CLSTN2: variants seen among roughly 807,000 people sequenced by gnomAD.
The protein encoded by CLSTN2 is calsyntenin-2.
Under a neutral mutation model 101.2 loss-of-function variants are expected in CLSTN2, and 48 were observed. The observed-to-expected ratio is 0.47, with a 90% confidence interval of 0.38 to 0.60. The LOEUF is 0.60. Ranked by LOEUF, CLSTN2 falls within the 20% of genes least tolerant of loss-of-function variation. CLSTN2 has a pLI of 0.00. For synonymous variants in CLSTN2, 481 were observed against 463.6 expected, an observed-to-expected ratio of 1.04 and a Z score of -0.48; for missense variants, 1,160 against 1,238.2, an observed-to-expected ratio of 0.94 and a Z score of 0.95.
intron 1 of CLSTN2, among the ~76,000 whole-genome samples, chr3:140,166,180 G>A (rs1022710505): frequency 6.6e-6 from 1 of 152,176 alleles, no homozygotes; most frequent in Non-Finnish European, 1.5e-5. Context: ...GATTTCAAGT[G>A]CCCATTGCCA....
chr3:140,356,748 C>T (rs1219109556), intron 2 of CLSTN2, among the ~76,000 whole-genome samples: 1 of 125,628 alleles, frequency 8.0e-6, no homozygotes, highest in Non-Finnish European at 1.7e-5. Context: ...CAGAGTTGGA[C>T]CTTGTCTCAA....
At chr3:139,976,230 C>A (rs1284324183) in intron 1 of CLSTN2, among the ~76,000 whole-genome samples, 1 of 152,276 alleles carries the variant, frequency 6.6e-6, no homozygotes, top group East Asian at 1.9e-4. Flanking sequence ...TGGGATAGTG[C>A]CCTTATCTCC....
chr3:140,500,015 C>T (rs796514682), intron 8 of CLSTN2, among the ~76,000 whole-genome samples: 18 of 151,484 alleles, frequency 1.2e-4, no homozygotes, highest in South Asian at 4.2e-4. Context: ...TGCAGTGAGC[C>T]GAGATCATGC....
intron 8 of CLSTN2, among the ~76,000 whole-genome samples, chr3:140,525,411 A>C (rs1935116391): frequency 6.6e-6 from 1 of 152,188 alleles, no homozygotes. Flanking sequence ...TGAAAACCTG[A>C]ACAGACAAAT....
intron 1 of CLSTN2, among the ~76,000 whole-genome samples, chr3:140,002,274 A>G (rs2006859180): frequency 6.6e-6 from 1 of 152,152 alleles, no homozygotes; most frequent in African/African-American, 2.4e-5. Context: ...GAGTGAGATG[A>G]TATCTCATAG....
At chr3:140,161,640 T>C (rs960360072) in intron 1 of CLSTN2, among the ~76,000 whole-genome samples, 3 of 152,212 alleles carry the variant, frequency 2.0e-5, no homozygotes, top group African/African-American at 4.8e-5. Flanking sequence ...GAAATAATTA[T>C]GTAAGTCTTG....
chr3:140,371,312 G>A (rs1308930839), intron 2 of CLSTN2, among the ~76,000 whole-genome samples: 1 of 143,062 alleles, frequency 7.0e-6, no homozygotes, highest in Non-Finnish European at 1.5e-5. Flanking sequence ...GGACCTGCAA[G>A]TTCATTGGAA....
chr3:140,559,552 C>T lies in CLSTN2; in HGVS notation c.2041+695C>T, dbSNP rs1471195153. ...TGAAAGCTATAGTATATGCTGGTGGCGGGGGTCAGGGGGGCGGGGAAGGGA... is the reference window on the plus strand; with the variant it reads ...TGAAAGCTATAGTATATGCTGGTGGTGGGGGTCAGGGGGGCGGGGAAGGGA... On this transcript the variant is annotated intron_variant, in intron 12 of 16. Transcript: ENST00000458420. Among the ~76,000 whole-genome samples the T allele has an allele frequency of 1.0e-3, 4 of 3,992 alleles. 1 individual carries two copies. Among genetic ancestry groups the T allele is most frequent in the Non-Finnish European group, 1.8e-3 (3 of 1,626 alleles). 2.6% of individuals were successfully genotyped at this position (3,992 alleles called of 152,430 possible).
intron 1 of CLSTN2, among the ~76,000 whole-genome samples, chr3:139,949,897 A>T (rs1438502336): frequency 6.6e-6 from 1 of 152,182 alleles, no homozygotes; most frequent in Non-Finnish European, 1.5e-5. Context: ...CCATTTTCCA[A>T]ACAGGTCATT....
intron 5 of CLSTN2, among the ~76,000 whole-genome samples, chr3:140,436,793 G>T (rs1194739208): frequency 3.9e-5 from 6 of 152,212 alleles, no homozygotes; most frequent in Admixed American, 2.6e-4. Context: ...GGTTGGTGGA[G>T]GTTGGTATTT....
At chr3:140,021,637 G>A (rs1013711668) in intron 1 of CLSTN2, among the ~76,000 whole-genome samples, 2 of 152,094 alleles carry the variant, frequency 1.3e-5, no homozygotes, top group Admixed American at 6.5e-5. Flanking sequence ...GGAAGTACAC[G>A]TGACCACTCT....
intron 8 of CLSTN2, among the ~76,000 whole-genome samples, chr3:140,514,877 C>T (rs1245959908): frequency 1.3e-5 from 2 of 152,110 alleles, no homozygotes; most frequent in African/African-American, 4.8e-5. Flanking sequence ...ATTAGGGTGA[C>T]ACTAGCTTCA....
At chr3:140,452,407 A>G (rs537034812) in intron 6 of CLSTN2, 1 of 152,276 alleles carries the variant, frequency 6.6e-6, no homozygotes, top group African/African-American at 2.4e-5. Context: ...TCCAGTCAGC[A>G]TTTGCCTGCC....
intron 8 of CLSTN2, chr3:140,507,977 C>G (rs914378455): frequency 1.3e-5 from 2 of 152,296 alleles, no homozygotes; most frequent in South Asian, 4.1e-4. Flanking sequence ...GCTGAAATTT[C>G]CCCTGAGCCA....
intron 2 of CLSTN2, among the ~76,000 whole-genome samples, chr3:140,214,890 A>G (rs1292586957): frequency 4.6e-5 from 7 of 152,240 alleles, no homozygotes; most frequent in African/African-American, 1.4e-4. Flanking sequence ...TGAAGTCTTT[A>G]TACAACATAA....
rs76105388 is a variant in CLSTN2, at chr3:140,299,417, A to G, written c.233-104212A>G. Among the ~76,000 whole-genome samples, 1,244 of 152,360 alleles carry G rather than the reference A, an allele frequency of 8.2e-3. 12 individuals are homozygous for G. Among genetic ancestry groups the G allele is most frequent in the African/African-American group, 0.027 (1,141 of 41,584 alleles). ...TTCAATTTAGTAAACCAGTGTTCTTAATCATAACATGCATATACTGTATGT... is the reference window on the plus strand; with the variant it reads ...TTCAATTTAGTAAACCAGTGTTCTTGATCATAACATGCATATACTGTATGT... On this transcript the variant is annotated intron_variant, in intron 2 of 16. Coordinates refer to ENST00000458420, the MANE Select transcript of CLSTN2 (RefSeq NM_022131.3).
chr3:140,222,755 A>G (rs2086285197), intron 2 of CLSTN2, among the ~76,000 whole-genome samples: 1 of 152,126 alleles, frequency 6.6e-6, no homozygotes, highest in Non-Finnish European at 1.5e-5. Flanking sequence ...AACACAAAGG[A>G]TATCCCACTA....
At chr3:140,038,279 T>C (rs2007697228) in intron 1 of CLSTN2, among the ~76,000 whole-genome samples, 1 of 152,238 alleles carries the variant, frequency 6.6e-6, no homozygotes, top group African/African-American at 2.4e-5. Flanking sequence ...GATTTTGATT[T>C]GCATTTCTCT....
chr3:140,075,610 G>A (rs1306184954), intron 1 of CLSTN2, among the ~76,000 whole-genome samples: 1 of 152,100 alleles, frequency 6.6e-6, no homozygotes, highest in Non-Finnish European at 1.5e-5. Context: ...CTGCTCAGGT[G>A]GTGTCAATTT....
Sources: allele counts gnomAD v4.1 joint callset (sites outside exome capture counted in the v4.1 genomes callset), GRCh38; gene constraint gnomAD v4.1.1; transcripts MANE v1.5; gene names NCBI Gene and HGNC (gene_info 2026-07-23, HGNC 2026-07-21).